The following TPP2 variants were observed in gnomAD, a reference collection of about 807,000 sequenced individuals.
TPP2 encodes the protein tripeptidyl peptidase 2.
A neutral mutation model predicts 155.9 loss-of-function variants in TPP2; 34 were observed. The observed-to-expected ratio is 0.22, with a 90% CI of 0.17 to 0.29. The LOEUF is 0.29. Ranked by LOEUF, TPP2 falls within the 10% of genes least tolerant of loss-of-function variation. The pLI is 1.00. For missense variants in TPP2, 1,028 were observed against 1,522.3 expected (o/e 0.68, Z 5.40); for synonymous variants, 510 against 529.4 (o/e 0.96, Z 0.50).
chr13:102,649,408 A>G lies in TPP2; in HGVS notation c.2874A>G (p.Lys958=). 1 of 1,606,634 alleles carries G rather than the reference A, an allele frequency of 6.2e-7. No individual in the cohort carries two copies. The highest frequency in any genetic ancestry group is 8.5e-7 in the Non-Finnish European group (1 of 1,177,924). Residue 958 remains lysine, a splice_region_variant and synonymous_variant, in exon 23 of 30, where the codon AAA becomes AAG. Transcript: ENST00000376052. ...PFFVTSLPDD[K]IPKGAGPGCY... ...TTTCTCTTTGAATTCTCTTGTTTAGAATACCTAAAGGGGCAGGACCTGGAT... is the reference window on the plus strand; with the variant it reads ...TTTCTCTTTGAATTCTCTTGTTTAGGATACCTAAAGGGGCAGGACCTGGAT...
chr13:102,598,798 T>G (rs1879195919), intron 1 of TPP2, among the ~76,000 whole-genome samples: 1 of 152,258 alleles, frequency 6.6e-6, no homozygotes, highest in Non-Finnish European at 1.5e-5. Context: ...ATTATTCTGT[T>G]ACTCTCTCTA....
intron 27 of TPP2, among the ~76,000 whole-genome samples, chr13:102,671,999 C>T (rs556986181): frequency 1.1e-4 from 17 of 152,272 alleles, no homozygotes; most frequent in Admixed American, 5.9e-4. Context: ...AAATCCCAAG[C>T]GGGCACCAGT....
At chr13:102,663,895 G>A in intron 26 of TPP2, 151 bp downstream of exon 26, 1 of 633,016 alleles carries the variant, frequency 1.6e-6, no homozygotes, top group South Asian at 2.4e-5. Context: ...TTTCATGAAG[G>A]TTATTATAAG....
chr13:102,641,479 T>G (rs1429361003), intron 16 of TPP2, among the ~76,000 whole-genome samples: 1 of 152,148 alleles, frequency 6.6e-6, no homozygotes, highest in Non-Finnish European at 1.5e-5. Context: ...CTTAGGAGTG[T>G]GTTTTTTGTA....
chr13:102,643,109 C>T, intron 16 of TPP2, 113 bp from the exon 17 acceptor site: 1 of 898,554 alleles, frequency 1.1e-6, no homozygotes, highest in Non-Finnish European at 1.5e-6. Context: ...TATTTTTGAT[C>T]CCTATTATGT....
intron 8 of TPP2, 97 bp downstream of exon 8, chr13:102,628,021 A>G (rs1036925689): frequency 2.1e-6 from 2 of 975,074 alleles, no homozygotes; most frequent in Non-Finnish European, 3.1e-6. Flanking sequence ...GGTGGAAGAA[A>G]GAACAGTTGC....
intron 1 of TPP2, among the ~76,000 whole-genome samples, chr13:102,599,144 T>C (rs1879233963): frequency 6.6e-6 from 1 of 152,204 alleles, no homozygotes; most frequent in Admixed American, 6.5e-5. Flanking sequence ...CCCGTCTTTG[T>C]GTCCATGTGT....
At chr13:102,675,915 A>G (rs976881050) in intron 28 of TPP2, among the ~76,000 whole-genome samples, 5 of 152,202 alleles carry the variant, frequency 3.3e-5, no homozygotes, top group African/African-American at 1.2e-4. Context: ...AACCATGTTT[A>G]TATAATCTAA....
At chr13:102,630,259 G>A (rs1881929769) in intron 10 of TPP2, 64 bp downstream of exon 10, 1 of 1,232,946 alleles carries the variant, frequency 8.1e-7, no homozygotes, top group East Asian at 2.4e-5. Context: ...TGTTGAGAAG[G>A]GCAGAGTTTT....
chr13:102,600,752 A>G (rs1879370626), intron 1 of TPP2, among the ~76,000 whole-genome samples: 1 of 152,234 alleles, frequency 6.6e-6, no homozygotes, highest in African/African-American at 2.4e-5. Flanking sequence ...GAGTAGTTTC[A>G]TAAAACTCTA....
At chr13:102,602,236 G>GGTAGAT (rs1879484832) in intron 1 of TPP2, among the ~76,000 whole-genome samples, 4 of 151,854 alleles carry the variant, frequency 2.6e-5, no homozygotes, top group Non-Finnish European at 5.9e-5. Flanking sequence ...ACTTAATTTT[G>GGTAGAT]TTTCCATTTT....
chr13:102,609,560 G>A (rs1330390773), intron 2 of TPP2, among the ~76,000 whole-genome samples: 1 of 151,674 alleles, frequency 6.6e-6, no homozygotes, highest in Non-Finnish European at 1.5e-5. Flanking sequence ...ACCACACCCG[G>A]CTAATTTTGT....
intron 23 of TPP2, 122 bp downstream of exon 23, chr13:102,649,608 T>A (rs1045467960): frequency 1.4e-5 from 11 of 761,602 alleles, no homozygotes; most frequent in Non-Finnish European, 2.0e-5. Flanking sequence ...GGGAAAAAAA[T>A]TTAATCCTTT....
At chr13:102,643,072 G>T in intron 16 of TPP2, 150 bp from the exon 17 acceptor site, 1 of 636,408 alleles carries the variant, frequency 1.6e-6, no homozygotes, top group Non-Finnish European at 2.3e-6. Context: ...TGTTTTTATG[G>T]AAATATGCAG....
rs184709669 is a variant in TPP2 at position 102,619,781 on chromosome 13, T to C, written c.620+935T>C. Among the ~76,000 whole-genome samples the C allele has an allele frequency of 2.6e-5, 4 of 152,364 alleles. No individual in the cohort carries two copies. The East Asian group carries it at 7.7e-4, about 29-fold the overall frequency. On this transcript the variant is annotated intron_variant, in intron 5 of 29. Transcript: ENST00000376052. ...CTAGATATTAAATATTAATGCACTTTTGTGTGTATTCATACATGTTGTTTT... is the reference window on the plus strand; with the variant it reads ...CTAGATATTAAATATTAATGCACTTCTGTGTGTATTCATACATGTTGTTTT...
intron 25 of TPP2, among the ~76,000 whole-genome samples, chr13:102,660,503 A>G (rs1884135320): frequency 6.6e-6 from 1 of 152,200 alleles, no homozygotes; most frequent in Non-Finnish European, 1.5e-5. Flanking sequence ...AAAAGACCTG[A>G]GTAAATGGAA....
At chr13:102,601,858 G>A (rs1158086954) in intron 1 of TPP2, among the ~76,000 whole-genome samples, 1 of 152,170 alleles carries the variant, frequency 6.6e-6, no homozygotes, top group African/African-American at 2.4e-5. Flanking sequence ...AGAAATTCAT[G>A]GATAGGATAA....
Position 102,627,312 on chromosome 13 carries a change from A to G in TPP2, c.939+146A>G, listed in dbSNP as rs116566427. On this transcript the variant is annotated intron_variant, in intron 7 of 29. Transcript: ENST00000376052. ...TTTAACAAAGCAAAAATATTTACTA[A>G]TTTATTTTTAAATTATTTTTATTAA... The G allele has an allele frequency of 6.4e-4, 385 of 599,810 alleles. 3 individuals are homozygous for G. The African/African-American group carries it at 6.9e-3, about 11-fold the overall frequency. 37.2% of individuals were successfully genotyped at this position (599,810 alleles called of 1,614,324 possible).
At chr13:102,613,068 T>G (rs941387892) in intron 2 of TPP2, among the ~76,000 whole-genome samples, 1 of 152,224 alleles carries the variant, frequency 6.6e-6, no homozygotes, top group African/African-American at 2.4e-5. Flanking sequence ...ATTCCTATTC[T>G]TTAAAGAAGG....
Sources: allele counts gnomAD v4.1 joint callset (sites outside exome capture counted in the v4.1 genomes callset), GRCh38; gene constraint gnomAD v4.1.1; transcripts MANE v1.5; gene names NCBI Gene and HGNC (gene_info 2026-07-23, HGNC 2026-07-21).